KLHDC4: variants seen among roughly 807,000 people sequenced by gnomAD.
The protein encoded by KLHDC4 is kelch domain containing 4.
Under a neutral mutation model 62.4 loss-of-function variants are expected in KLHDC4, and 90 were observed. The observed-to-expected ratio is 1.44, with a 90% CI of 1.22 to 1.72. The LOEUF is 1.72. KLHDC4 is among the 40% of genes most tolerant of loss of function. The pLI, the probability that KLHDC4 is intolerant of heterozygous loss-of-function variation, is 0.00. For synonymous variants in KLHDC4, 386 were observed against 284.4 expected, an observed-to-expected ratio of 1.36 and a Z score of -3.59; for missense variants, 1,025 against 699.7, an observed-to-expected ratio of 1.47 and a Z score of -5.25.
intron 7 of KLHDC4, among the ~76,000 whole-genome samples, chr16:87,716,534 C>G (rs1377485945): frequency 6.6e-6 from 1 of 152,120 alleles, no homozygotes; most frequent in African/African-American, 2.4e-5. Flanking sequence ...GCTCTGGCAC[C>G]ACAAGATGCT....
At chr16:87,715,490 G>A (rs753862317) in intron 7 of KLHDC4, among the ~76,000 whole-genome samples, 2 of 152,098 alleles carry the variant, frequency 1.3e-5, no homozygotes, top group Admixed American at 6.6e-5. Flanking sequence ...GGATCCCGTC[G>A]AGGGTCCCAC....
chr16:87,718,284 GCTCTCCCTCTCC>G (rs201899900), intron 7 of KLHDC4, among the ~76,000 whole-genome samples: 2 of 128,844 alleles, frequency 1.6e-5, no homozygotes, highest in South Asian at 2.9e-4. Context: ...ATTCGCTCTC[GCTCTCCCTCTCC>G]CTCTCCCTCC....
exon 1 of KLHDC4, chr16:87,698,599 C>T (rs1438261687): frequency 6.6e-6 from 1 of 152,266 alleles, no homozygotes; most frequent in East Asian, 1.9e-4. Context: ...GCGAGAACGG[C>T]CCCTTGCCTT....
intron 5 of KLHDC4, among the ~76,000 whole-genome samples, chr16:87,743,237 C>T (rs1334211974): frequency 1.3e-5 from 2 of 152,154 alleles, no homozygotes; most frequent in African/African-American, 2.4e-5. Flanking sequence ...TCCCAAGTAG[C>T]TGGGATTACA....
At chr16:87,751,484 G>GA (rs5818643) in intron 4 of KLHDC4, among the ~76,000 whole-genome samples, 68,701 of 148,064 alleles carry the variant, frequency 0.46, 16,098 homozygotes, top group East Asian at 0.59. Flanking sequence ...AAAAAAAAAA[G>GA]AAAAAAAAAA....
chr16:87,737,709 T>C lies in KLHDC4; in HGVS notation c.507-7065A>G, dbSNP rs114202205. Among the ~76,000 whole-genome samples, 747 of 151,036 alleles carry C rather than the reference T, an allele frequency of 4.9e-3. 6 individuals are homozygous for C. Among genetic ancestry groups the C allele is most frequent in the African/African-American group, 0.018 (732 of 41,062 alleles). On this transcript the variant is annotated intron_variant, in intron 5 of 11. Coordinates refer to ENST00000270583, the MANE Select transcript of KLHDC4 (RefSeq NM_017566.4). ...TTCAAGCAATTATTCCACCTAAGAC[T>C]CCCGAGTAGCTGCAATTACAGGTGC...
chr16:87,721,256 T>C (rs749861555), intron 7 of KLHDC4, among the ~76,000 whole-genome samples: 2 of 151,856 alleles, frequency 1.3e-5, no homozygotes, highest in Non-Finnish European at 2.9e-5. Context: ...CCGTCTCTAC[T>C]AAAAATATAA....
At chr16:87,730,483 GCT>G (rs2040152825) in intron 6 of KLHDC4, 67 bp downstream of exon 6, 1 of 1,270,668 alleles carries the variant, frequency 7.9e-7, no homozygotes, top group Non-Finnish European at 1.1e-6. Flanking sequence ...TATTCAGAAT[GCT>G]CTTTCTATAA....
chr16:87,742,093 T>TAAA (rs1054697949), intron 5 of KLHDC4, among the ~76,000 whole-genome samples: 2 of 147,680 alleles, frequency 1.4e-5, no homozygotes, highest in Admixed American at 1.4e-4. Flanking sequence ...TAGATCAATT[T>TAAA]AAAAAAAAAA....
At chr16:87,759,343 T>G (rs1223822152) in intron 2 of KLHDC4, among the ~76,000 whole-genome samples, 1 of 148,672 alleles carries the variant, frequency 6.7e-6, no homozygotes, top group Non-Finnish European at 1.5e-5. Flanking sequence ...GAGGCCAGCC[T>G]GACTCCAGAG....
At chr16:87,741,930 C>T (rs542346953) in intron 5 of KLHDC4, among the ~76,000 whole-genome samples, 28 of 152,346 alleles carry the variant, frequency 1.8e-4, no homozygotes, top group East Asian at 1.3e-3. Context: ...ACGCCTATTC[C>T]GTTTCCTGAT....
chr16:87,705,950 A>G (rs2034621927), downstream of KLHDC4, among the ~76,000 whole-genome samples: 1 of 152,196 alleles, frequency 6.6e-6, no homozygotes, highest in Admixed American at 6.5e-5. Flanking sequence ...GGCGCAACGC[A>G]ACACAAGCTG....
intron 5 of KLHDC4, among the ~76,000 whole-genome samples, chr16:87,733,349 G>C (rs1034740517): frequency 1.1e-4 from 17 of 152,238 alleles, no homozygotes; most frequent in Non-Finnish European, 2.2e-4. Context: ...TCGGGCAGCA[G>C]GTGCTCAGAA....
rs144258726 is a variant in KLHDC4, at chr16:87,709,352, C to G, written c.1360G>C (p.Gly454Arg). ...LYVYGGMFEA[G>R]DRQVTLSDLH... ...TCGCTGAGGGTGACCTGGCGGTCGCCGGCCTCAAACATGCCCCCATAGACG... is the reference window on the plus strand; with the variant it reads ...TCGCTGAGGGTGACCTGGCGGTCGCGGGCCTCAAACATGCCCCCATAGACG... Residue 454 changes from glycine (G) to arginine (R), a missense_variant, in exon 10 of 12, where the codon GGC becomes CGC. By Grantham distance (125) the Gly-to-Arg change is moderately radical. Transcript: ENST00000270583. 6.2e-7 allele frequency: 1 copy of G among 1,613,426 alleles called. No homozygotes were observed. Among genetic ancestry groups the G allele is most frequent in the Non-Finnish European group, 8.5e-7 (1 of 1,179,938 alleles).
At chr16:87,708,623 A>T (rs1458525551) in intron 10 of KLHDC4, 157 bp from the exon 11 acceptor site, 2 of 453,604 alleles carry the variant, frequency 4.4e-6, no homozygotes. Context: ...TCAGATCCAC[A>T]AAGGAAACAG....
intron 2 of KLHDC4, among the ~76,000 whole-genome samples, chr16:87,760,502 C>G (rs981963997): frequency 1.7e-4 from 25 of 146,990 alleles, no homozygotes; most frequent in African/African-American, 6.3e-4. Flanking sequence ...AGCTACTTGG[C>G]AGGCTGAGGC....
chr16:87,715,079 C>G (rs113691689), intron 7 of KLHDC4, among the ~76,000 whole-genome samples: 2 of 152,330 alleles, frequency 1.3e-5, no homozygotes, highest in African/African-American at 4.8e-5. Context: ...TCTTCTGCCT[C>G]AAGTGAGCCT....
rs1464724997 is a variant in KLHDC4, at chr16:87,747,370, G to A, written c.506+1303C>T. 9.9e-5 allele frequency among the ~76,000 whole-genome samples: 15 copies of A among 152,170 alleles called. 1 individual carries two copies. Among genetic ancestry groups the A allele is most frequent in the Non-Finnish European group, 2.1e-4 (14 of 68,036 alleles). On this transcript the variant is annotated intron_variant, in intron 5 of 11. Coordinates refer to ENST00000270583, the MANE Select transcript of KLHDC4 (RefSeq NM_017566.4). ...TAAACAAGCAAATCAGTAACAAGCG[G>A]GCTCCAAAAGGAATAAAGCAAAAGG...
rs534443910 is a variant in KLHDC4, at chr16:87,726,915, G to A, written c.609C>T (p.Ile203=). ...TAAAGGCATACACGTCGTTGTAGTA[G>A]ATGTAATCCCTGGTTAGAAGAACAG... ...GGFHESTRDY[I]YYNDVYAFNL... is the part of the protein sequence containing the mutation. The change falls in exon 7 of 12, where the codon ATC becomes ATT. Residue 203 remains isoleucine (I), a synonymous_variant. Transcript: ENST00000270583. 4.3e-6 allele frequency: 7 copies of A among 1,613,920 alleles called. No homozygotes were observed. In the Admixed American group the frequency reaches 1.0e-4, roughly 23 times the overall value.
Sources: gnomAD v4.1 joint callset for allele counts (sites outside exome capture counted in the v4.1 genomes callset) on GRCh38, gnomAD v4.1.1 for gene constraint, MANE v1.5 for transcripts, NCBI Gene and HGNC (gene_info 2026-07-23, HGNC 2026-07-21) for gene names.